The following MRPL3 variants were observed in gnomAD, a reference collection of about 807,000 sequenced individuals.
The protein encoded by MRPL3 is mitochondrial ribosomal protein L3.
Under a neutral mutation model 44.3 loss-of-function variants are expected in MRPL3, and 43 were observed. The ratio of observed to expected loss-of-function variants is 0.97; its 90% CI spans 0.76 to 1.25. The LOEUF (loss-of-function observed/expected upper bound fraction) is 1.25. MRPL3 is among the 50% of genes most tolerant of loss of function. MRPL3 has a pLI of 0.00. For synonymous variants in MRPL3, 171 were observed against 152.3 expected (o/e 1.12, Z -0.91); for missense variants, 406 against 427.6 (o/e 0.95, Z 0.45).
At chr3:131,487,825 C>A (rs1934164028) in intron 5 of MRPL3, 85 bp from the exon 6 acceptor site, 6 of 1,048,616 alleles carry the variant, frequency 5.7e-6, no homozygotes, top group South Asian at 2.9e-5. Flanking sequence ...TCCAGGAAGG[C>A]TTCTAGCTGA....
Position 131,498,018 on chromosome 3 carries a change from C to G in MRPL3, c.468+161G>C, listed in dbSNP as rs891964136. ...AACAAACTCAAGAGTCTCCAAGACT[C>G]CTGGGCAAAATGGCTGTGCCAGACT... is the stretch of plus-strand genomic sequence containing the variant. On this transcript the variant is annotated intron_variant, in intron 4 of 9. Transcript: ENST00000264995. 8 of 635,772 alleles carry G rather than the reference C, an allele frequency of 1.3e-5. No individual in the cohort carries two copies. In the East Asian group the frequency reaches 1.9e-4, roughly 15 times the overall value. 39.4% of individuals were successfully genotyped at this position (635,772 alleles called of 1,614,324 possible).
intron 3 of MRPL3, 115 bp from the exon 4 acceptor site, chr3:131,498,392 T>C (rs946236618): frequency 4.9e-6 from 3 of 611,510 alleles, no homozygotes; most frequent in Admixed American, 3.3e-5. Flanking sequence ...ACTTACCTCA[T>C]CTTTCCTCTA....
chr3:131,473,701 A>C lies in MRPL3; in HGVS notation c.630-2422T>G, dbSNP rs142389420. On this transcript the variant is annotated intron_variant, in intron 6 of 9. Transcript: ENST00000264995. ...AAAAACCTAAAATAACTGCAAAGGA[A>C]CTCAAACAACTAAAAAAAAACCCCA... 2.0e-4 allele frequency among the ~76,000 whole-genome samples: 31 copies of C among 152,212 alleles called. No individual in the cohort carries two copies. The East Asian group carries it at 5.6e-3, about 27-fold the overall frequency.
chr3:131,469,051 T>C (rs1199486752), intron 8 of MRPL3, among the ~76,000 whole-genome samples: 1 of 152,158 alleles, frequency 6.6e-6, no homozygotes, highest in Non-Finnish European at 1.5e-5. Context: ...GCATCCATTA[T>C]AGTATAACTC....
chr3:131,475,122 C>T (rs959300013), intron 6 of MRPL3, among the ~76,000 whole-genome samples: 1 of 151,982 alleles, frequency 6.6e-6, no homozygotes, highest in African/African-American at 2.4e-5. Context: ...TTTTTCTCAC[C>T]TTTTACTAGA....
chr3:131,493,441 C>T (rs1345674423), intron 4 of MRPL3, among the ~76,000 whole-genome samples: 1 of 152,180 alleles, frequency 6.6e-6, no homozygotes, highest in Non-Finnish European at 1.5e-5. Context: ...CACTTATCTA[C>T]TCAAATGTTG....
At position 131,501,277 on chromosome 3, in the gene MRPL3, G is replaced by T. The variant is rs78741858; in HGVS notation, c.277+254C>A. On this transcript the variant is annotated intron_variant, in intron 2 of 9. Coordinates refer to ENST00000264995, the MANE Select transcript of MRPL3 (RefSeq NM_007208.4). The stretch of plus-strand genomic sequence containing the variant: ...TTCTTTTTAGCTGAAGTAAACAAGA[G>T]AATCTATGCAGAATGATTCTCCCTT... Among the ~76,000 whole-genome samples the T allele has an allele frequency of 6.0e-3, 911 of 152,248 alleles. 13 individuals are homozygous for T. Among genetic ancestry groups the T allele is most frequent in the African/African-American group, 0.02 (851 of 41,538 alleles).
intron 6 of MRPL3, among the ~76,000 whole-genome samples, chr3:131,482,513 T>C (rs1325476683): frequency 7.0e-6 from 1 of 143,188 alleles, no homozygotes; most frequent in Non-Finnish European, 1.5e-5. Flanking sequence ...AGACTCCGTC[T>C]CAAAAAAAAA....
intron 6 of MRPL3, among the ~76,000 whole-genome samples, chr3:131,472,381 C>T (rs1056600838): frequency 9.2e-5 from 14 of 152,062 alleles, no homozygotes; most frequent in Non-Finnish European, 1.5e-4. Flanking sequence ...AGGTAGAAAG[C>T]AAACAACACT....
At chr3:131,494,016 C>A (rs1934312649) in intron 4 of MRPL3, among the ~76,000 whole-genome samples, 1 of 152,214 alleles carries the variant, frequency 6.6e-6, no homozygotes, top group Admixed American at 6.5e-5. Context: ...TTATAACTTA[C>A]TCAGTTGCCT....
chr3:131,477,196 G>A (rs1330399045), intron 6 of MRPL3, among the ~76,000 whole-genome samples: 1 of 151,980 alleles, frequency 6.6e-6, no homozygotes, highest in Non-Finnish European at 1.5e-5. Context: ...CTTGTCTATG[G>A]GGATAAAACG....
Position 131,490,086 on chromosome 3 carries a change from G to C in MRPL3, c.469-6C>G, listed in dbSNP as rs1209656113. Reference sequence around the variant, plus strand: ...TCCAATATGGATGTAGCTTTCTAGAGGAAAAGCAGCACATATAAGTAATAC... The same window carrying C: ...TCCAATATGGATGTAGCTTTCTAGACGAAAAGCAGCACATATAAGTAATAC... On this transcript the variant is annotated splice_region_variant and splice_polypyrimidine_tract_variant and intron_variant, in intron 4 of 9. Coordinates refer to ENST00000264995, the MANE Select transcript of MRPL3 (RefSeq NM_007208.4). 6.3e-7 allele frequency: 1 copy of C among 1,581,282 alleles called. No individual in the cohort carries two copies. The highest frequency in any genetic ancestry group is 1.7e-5 in the Admixed American group (1 of 59,832).
Position 131,462,484 on chromosome 3 carries a change from G to A in MRPL3, c.*239C>T. On this transcript the variant is annotated 3_prime_UTR_variant, in exon 10 of 10. Transcript: ENST00000264995. ...CGAGTCCACAAATTAAGAATATTTTGCTAATATGCCCAACACCAATTTCAG... is the reference window on the plus strand; with the variant it reads ...CGAGTCCACAAATTAAGAATATTTTACTAATATGCCCAACACCAATTTCAG... 2.9e-6 allele frequency: 1 copy of A among 339,056 alleles called. No individual in the cohort carries two copies. Among genetic ancestry groups the A allele is most frequent in the Non-Finnish European group, 5.3e-6 (1 of 189,646 alleles). The allele number at this position is 339,056 out of a possible 1,614,324, so 21.0% of individuals were successfully genotyped here.
At chr3:131,473,681 C>A (rs558151918) in intron 6 of MRPL3, among the ~76,000 whole-genome samples, 4 of 151,734 alleles carry the variant, frequency 2.6e-5, no homozygotes. Context: ...TGCAAAAAAA[C>A]CTAAAATAAC....
At position 131,473,957 on chromosome 3, in the gene MRPL3, G is replaced by A. The variant is rs186165772; in HGVS notation, c.630-2678C>T. Among the ~76,000 whole-genome samples the A allele has an allele frequency of 1.6e-3, 246 of 152,130 alleles. 6 individuals carry two copies. In the East Asian group the frequency reaches 0.035, roughly 22 times the overall value. On this transcript the variant is annotated intron_variant, in intron 6 of 9. Transcript: ENST00000264995. The stretch of plus-strand genomic sequence containing the variant: ...AAGAGAACACATACACTGTTAGTGG[G>A]GATATAAATTAGTATAGCCACTATG...
chr3:131,501,983 T>C, intron 1 of MRPL3: 1 of 1,383,776 alleles, frequency 7.2e-7, no homozygotes, highest in Middle Eastern at 2.4e-4. Context: ...AAAACAGTCC[T>C]ACCTATAGAC....
At chr3:131,499,795 G>A (rs1272811971) in intron 3 of MRPL3, among the ~76,000 whole-genome samples, 1 of 152,096 alleles carries the variant, frequency 6.6e-6, no homozygotes, top group East Asian at 1.9e-4. Flanking sequence ...CTAATATTTA[G>A]TGGACACTTA....
intron 7 of MRPL3, among the ~76,000 whole-genome samples, 160 bp from the exon 8 acceptor site, chr3:131,469,933 A>G (rs1383279776): frequency 2.0e-5 from 3 of 152,154 alleles, no homozygotes; most frequent in Non-Finnish European, 4.4e-5. Context: ...ATTTAGGCAT[A>G]TTTACTCCTA....
In MRPL3 at chr3:131,490,068, T is replaced by C. The variant is rs368966164; in HGVS notation, c.481A>G (p.Ile161Val). The C allele has an allele frequency of 4.4e-6, 7 of 1,606,354 alleles. No homozygotes were observed. Among genetic ancestry groups the C allele is most frequent in the Non-Finnish European group, 5.1e-6 (6 of 1,173,362 alleles). ...CCAAGTTCCCGGTAAAATTCCAATATGGATGTAGCTTTCTAGAGGAAAAGC... is the reference window on the plus strand; with the variant it reads ...CCAAGTTCCCGGTAAAATTCCAATACGGATGTAGCTTTCTAGAGGAAAAGC... ...TVSRFRKATS[I>V]LEFYRELGLP... Residue 161 changes from isoleucine (I) to valine (V), a missense_variant, in exon 5 of 10, where the codon ATA (isoleucine) becomes GTA (valine). Coordinates refer to ENST00000264995, the MANE Select transcript of MRPL3 (RefSeq NM_007208.4).
Sources: gnomAD v4.1 joint callset for allele counts (sites outside exome capture counted in the v4.1 genomes callset) on GRCh38, gnomAD v4.1.1 for gene constraint, MANE v1.5 for transcripts, NCBI Gene and HGNC (gene_info 2026-07-23, HGNC 2026-07-21) for gene names.